MCMBP: variants seen among roughly 807,000 people sequenced by gnomAD.
MCMBP encodes the protein mini-chromosome maintenance complex-binding protein.
MCMBP carries 31 observed loss-of-function variants against 81.3 expected under a neutral mutation model. The ratio of observed to expected loss-of-function variants is 0.38; its 90% CI spans 0.29 to 0.51. The LOEUF (loss-of-function observed/expected upper bound fraction) is 0.51, where lower values mean the gene tolerates loss of function less well. MCMBP is among the 20% of genes least tolerant of loss of function. MCMBP has a pLI of 0.87. For missense variants in MCMBP, 645 were observed against 772.1 expected (o/e 0.84, Z 1.95); for synonymous variants, 267 against 275.9 (o/e 0.97, Z 0.32).
Position 119,857,389 on chromosome 10 carries a change from T to C in MCMBP, c.378A>G (p.Arg126=), listed in dbSNP as rs1480701135. 6.2e-7 allele frequency: 1 copy of C among 1,611,892 alleles called. No homozygotes were observed. The highest frequency in any genetic ancestry group is 1.3e-5 in the African/African-American group (1 of 74,896). Residue 126 remains arginine (R), a synonymous_variant, in exon 5 of 16, where the codon AGA becomes AGG. Coordinates refer to ENST00000369077, the MANE Select transcript of MCMBP (RefSeq NM_001256378.2). ...GCACCGGAACACAATAGAAAGTCTG[T>C]CTTTCCAAAGTGGTATTTCGTGGAG... The part of the protein sequence containing the change: ...LNSPRNTTLE[R]QTFYCVPVPG...
rs751630462 is a variant in MCMBP at position 119,831,541 on chromosome 10, T to G, written c.1856A>C (p.Lys619Thr). Reference protein sequence around the residue: ...TLSRERWLRAKQLESLRRTRL... With the variant: ...TLSRERWLRATQLESLRRTRL... The stretch of plus-strand genomic sequence containing the variant: ...CGTTCTTCTTAAAGACTCTAGCTGC[T>G]TTGCTCTCAGCCATCGTTCTCTTGA... Residue 619 changes from lysine (K) to threonine (T), a missense_variant, in exon 16 of 16, where the codon AAG becomes ACG. Coordinates refer to ENST00000369077, the MANE Select transcript of MCMBP (RefSeq NM_001256378.2). 13 of 1,614,086 alleles carry G rather than the reference T, an allele frequency of 8.1e-6. No individual in the cohort carries two copies. Among genetic ancestry groups the G allele is most frequent in the Non-Finnish European group, 1.0e-5 (12 of 1,179,944 alleles).
At chr10:119,856,792 T>A (rs1354532976) in intron 5 of MCMBP, among the ~76,000 whole-genome samples, 2 of 152,198 alleles carry the variant, frequency 1.3e-5, no homozygotes, top group South Asian at 2.1e-4. Flanking sequence ...TTTGAAACTA[T>A]TTTTTTACTT....
At chr10:119,844,165 TCTTG>T (rs1229937709) in intron 8 of MCMBP, among the ~76,000 whole-genome samples, 1 of 152,172 alleles carries the variant, frequency 6.6e-6, no homozygotes, top group Non-Finnish European at 1.5e-5. Flanking sequence ...TCATCTCTTA[TCTTG>T]CTAATTGTTT....
intron 14 of MCMBP, among the ~76,000 whole-genome samples, chr10:119,833,027 T>A (rs1464646073): frequency 1.3e-5 from 2 of 152,218 alleles, no homozygotes; most frequent in Admixed American, 6.5e-5. Context: ...AAATGAAGGC[T>A]AAGGCTTGTA....
At chr10:119,832,155 T>C in intron 14 of MCMBP, 55 bp from the exon 15 acceptor site, 1 of 1,515,640 alleles carries the variant, frequency 6.6e-7, no homozygotes, top group Non-Finnish European at 9.1e-7. Context: ...AAAAGAAAAT[T>C]AACATGGTTC....
chr10:119,855,364 CATCTACTT>C (rs1248708378), intron 5 of MCMBP, among the ~76,000 whole-genome samples: 1 of 152,176 alleles, frequency 6.6e-6, no homozygotes, highest in African/African-American at 2.4e-5. Flanking sequence ...ATAATCTGAG[CATCTACTT>C]TAAAAAGCTA....
chr10:119,871,218 C>T (rs770677053), intron 1 of MCMBP, among the ~76,000 whole-genome samples: 4 of 152,170 alleles, frequency 2.6e-5, no homozygotes, highest in Non-Finnish European at 5.9e-5. Flanking sequence ...CTTCACTTGA[C>T]ATTTTGGGGC....
intron 11 of MCMBP, among the ~76,000 whole-genome samples, chr10:119,840,629 G>C (rs146509577): frequency 6.6e-6 from 1 of 152,316 alleles, no homozygotes; most frequent in African/African-American, 2.4e-5. Context: ...TGTTTTGTTA[G>C]ACTTACAGAA....
At chr10:119,833,902 GAAAT>G (rs1852143906) in intron 14 of MCMBP, among the ~76,000 whole-genome samples, 1 of 152,044 alleles carries the variant, frequency 6.6e-6, no homozygotes, top group Non-Finnish European at 1.5e-5. Context: ...TAAAAAGAGA[GAAAT>G]AATTTTTTAG....
At chr10:119,836,267 C>T (rs1003178058) in intron 13 of MCMBP, among the ~76,000 whole-genome samples, 10 of 152,198 alleles carry the variant, frequency 6.6e-5, no homozygotes, top group Admixed American at 6.5e-4. Context: ...CTCTAAAAAG[C>T]AGCTAATTAA....
chr10:119,831,872 C>T, intron 15 of MCMBP, 140 bp downstream of exon 15: 3 of 865,004 alleles, frequency 3.5e-6, no homozygotes, highest in Non-Finnish European at 5.3e-6. Context: ...GATTCCCCCT[C>T]AATGAGCCCT....
chr10:119,859,181 C>A lies in MCMBP; in HGVS notation c.145G>T (p.Val49Leu). 1 of 1,610,928 alleles carries A rather than the reference C, an allele frequency of 6.2e-7. No individual in the cohort carries two copies. Among genetic ancestry groups the A allele is most frequent in the Non-Finnish European group, 8.5e-7 (1 of 1,179,202 alleles). The change falls in exon 3 of 16, where the codon GTA becomes TTA. Residue 49 changes from valine to leucine, a missense_variant and splice_region_variant. Transcript: ENST00000369077. Reference sequence around the variant, plus strand: ...AGGGGAACTTCGTTCAGTGATGGTACCTTAAAGGAAAATAATCAAGTCAGT... The same window carrying A: ...AGGGGAACTTCGTTCAGTGATGGTAACTTAAAGGAAAATAATCAAGTCAGT... ...KLKENNAPKW[V>L]PSLNEVPLHY...
chr10:119,835,427 G>A, intron 14 of MCMBP, 113 bp downstream of exon 14: 1 of 962,146 alleles, frequency 1.0e-6, no homozygotes, highest in Non-Finnish European at 1.5e-6. Flanking sequence ...AATAAAAAAA[G>A]ACATGACAGA....
In MCMBP at chr10:119,843,183, C is replaced by T. The variant is rs114134858; in HGVS notation, c.1000+71G>A. 977 of 1,548,348 alleles carry T rather than the reference C, an allele frequency of 6.3e-4. 5 individuals carry two copies. The African/African-American group carries it at 0.011, about 18-fold the overall frequency. On this transcript the variant is annotated intron_variant, in intron 9 of 15. Transcript: ENST00000369077. ...CTGACTCTCAATTCCACTATGAGCA[C>T]GTTACAGGCAGCTCTGGACACACTG...
chr10:119,849,512 C>T lies in MCMBP; in HGVS notation c.639G>A (p.Gly213=). The part of the protein sequence containing the change: ...PKRLETEAST[G]QQLNSLNLSS... ...ACAAGTTCAGAGAGTTCAGCTGTTG[C>T]CCAGTAGAAGCTTCAGTTTCTAAAC... Residue 213 remains glycine, a synonymous_variant, in exon 7 of 16, where the codon GGG becomes GGA. Coordinates refer to ENST00000369077, the MANE Select transcript of MCMBP (RefSeq NM_001256378.2). 2 of 1,609,280 alleles carry T rather than the reference C, an allele frequency of 1.2e-6. No homozygotes were observed. Among genetic ancestry groups the T allele is most frequent in the Non-Finnish European group, 1.7e-6 (2 of 1,178,624 alleles).
In MCMBP at chr10:119,829,982, C is replaced by G. The variant is rs542300589; in HGVS notation, c.*1492G>C. On this transcript the variant is annotated 3_prime_UTR_variant, in exon 16 of 16. Transcript: ENST00000369077. ...TTTTATCCTCACAAATCCAGTGAAG[C>G]CTTCATTTTATTTCTAAAAGTTTAA... The G allele has an allele frequency of 1.3e-5, 2 of 152,708 alleles. No homozygotes were observed. Among genetic ancestry groups the G allele is most frequent in the East Asian group, 3.9e-4 (2 of 5,190 alleles). 9.5% of individuals were successfully genotyped at this position (152,708 alleles called of 1,614,324 possible).
chr10:119,865,154 T>C (rs1168428590), intron 1 of MCMBP, among the ~76,000 whole-genome samples: 1 of 152,192 alleles, frequency 6.6e-6, no homozygotes, highest in East Asian at 1.9e-4. Context: ...ATTTGCCTAT[T>C]TCTTCTTTTA....
At chr10:119,860,719 G>T (rs578030156) in intron 1 of MCMBP, among the ~76,000 whole-genome samples, 1 of 152,162 alleles carries the variant, frequency 6.6e-6, no homozygotes, top group Non-Finnish European at 1.5e-5. Flanking sequence ...TATTTAAGAA[G>T]AATAAGGTCC....
At chr10:119,835,170 G>A (rs1213929003) in intron 14 of MCMBP, among the ~76,000 whole-genome samples, 1 of 152,054 alleles carries the variant, frequency 6.6e-6, no homozygotes, top group Non-Finnish European at 1.5e-5. Flanking sequence ...GAGAAGGAAC[G>A]GAATTATAAA....
Sources: gnomAD v4.1 joint callset for allele counts (sites outside exome capture counted in the v4.1 genomes callset) on GRCh38, gnomAD v4.1.1 for gene constraint, MANE v1.5 for transcripts, NCBI Gene and HGNC (gene_info 2026-07-23, HGNC 2026-07-21) for gene names.